Variants in AK9 observed in about 807,000 individuals in gnomAD.
The protein encoded by AK9 is adenylate kinase domain containing 1.
AK9 carries 191 observed loss-of-function variants against 239.6 expected under a neutral mutation model. The ratio of observed to expected loss-of-function variants is 0.80; its 90% confidence interval spans 0.71 to 0.90. AK9 has a LOEUF of 0.90. Among genes scored for constraint, AK9 ranks in the 40% least tolerant of loss-of-function variants. AK9 has a pLI of 0.00. For synonymous variants in AK9, 689 were observed against 721.0 expected, an observed-to-expected ratio of 0.96 and a Z score of 0.71; for missense variants, 1,995 against 2,214.7, an observed-to-expected ratio of 0.90 and a Z score of 1.99.
At chr6:109,506,909 C>T in intron 33 of AK9, 109 bp from the exon 34 acceptor site, 1 of 1,386,922 alleles carries the variant, frequency 7.2e-7, no homozygotes, top group South Asian at 1.7e-5. Context: ...CATGATTTTC[C>T]TTATGTAACT....
chr6:109,506,434 T>A lies in AK9; in HGVS notation c.4742A>T (p.Tyr1581Phe). ...QYYQEQHQNW[Y>F]VIDGFHSKWW... Reference sequence around the variant, plus strand: ...TTTGCTGTGAAATCCATCAATCACATACCAGTTCTGATGCTGTTCTTGATA... The same window carrying A: ...TTTGCTGTGAAATCCATCAATCACAAACCAGTTCTGATGCTGTTCTTGATA... The change falls in exon 35 of 41, where the codon TAT (tyrosine) becomes TTT (phenylalanine). Residue 1581 changes from tyrosine to phenylalanine, a missense_variant. Tyr to Phe is a conservative substitution (Grantham distance 22). This residue lies in a region of AK9 where 391 missense variants were observed against 456.0 expected (regional missense o/e 0.86). Transcript: ENST00000424296. The A allele has an allele frequency of 6.2e-7, 1 of 1,613,846 alleles. No individual in the cohort carries two copies. The highest frequency in any genetic ancestry group is 8.5e-7 in the Non-Finnish European group (1 of 1,179,920).
intron 17 of AK9, among the ~76,000 whole-genome samples, chr6:109,599,474 G>A (rs936729235): frequency 2.6e-5 from 4 of 152,212 alleles, no homozygotes; most frequent in Non-Finnish European, 5.9e-5. Flanking sequence ...TTTGGTTACT[G>A]TAGCCTTGTA....
chr6:109,577,030 C>T (rs536189631), intron 20 of AK9, among the ~76,000 whole-genome samples: 132 of 152,132 alleles, frequency 8.7e-4, no homozygotes, highest in African/African-American at 3.1e-3. Context: ...CGGGGTTTCA[C>T]CGTGTTAGCC....
rs370974107 is a variant in AK9, at chr6:109,583,204, A to G, written c.2114+1919T>C. ...TGGGGCTCTTTGTGACATCTTCCTT[A>G]TCCAAATCCTGGATCAAGTATGTTG... On this transcript the variant is annotated intron_variant, in intron 19 of 40. Coordinates refer to ENST00000424296, the MANE Select transcript of AK9 (RefSeq NM_001145128.3). Among the ~76,000 whole-genome samples the G allele has an allele frequency of 2.0e-5, 3 of 152,222 alleles. No homozygotes were observed. In the South Asian group the frequency reaches 6.2e-4, roughly 32 times the overall value.
Position 109,546,140 on chromosome 6 carries a change from GT to G in AK9, c.2965-14del. The G allele has an allele frequency of 6.5e-7, 1 of 1,528,956 alleles. No individual in the cohort carries two copies. The highest frequency in any genetic ancestry group is 8.9e-7 in the Non-Finnish European group (1 of 1,125,692). The allele number at this position is 1,528,956 out of a possible 1,614,324, so 94.7% of individuals were successfully genotyped here. A position where few individuals can be genotyped will look rare whatever the true frequency, so the allele number is the denominator to read the frequency against. On this transcript the variant is annotated splice_polypyrimidine_tract_variant and intron_variant, in intron 25 of 40. Coordinates refer to ENST00000424296, the MANE Select transcript of AK9 (RefSeq NM_001145128.3). Reference sequence around the variant, plus strand: ...TTAATGGAGGAGCCTGTCACAGGGGGTGGGTCAGGGAGGGGTGGGATAAAGG... The same window carrying G: ...TTAATGGAGGAGCCTGTCACAGGGGGGGGTCAGGGAGGGGTGGGATAAAGG...
At chr6:109,545,165 C>G (rs989026094) in intron 26 of AK9, among the ~76,000 whole-genome samples, 1 of 152,180 alleles carries the variant, frequency 6.6e-6, no homozygotes, top group Non-Finnish European at 1.5e-5. Context: ...TACTGCCAGG[C>G]ACAGTGGCTC....
chr6:109,570,486 G>A (rs192073163), intron 21 of AK9, among the ~76,000 whole-genome samples: 85 of 152,126 alleles, frequency 5.6e-4, no homozygotes, highest in African/African-American at 2.0e-3. Flanking sequence ...CTATTTGAGT[G>A]ATAGGTATGC....
At chr6:109,592,607 C>T (rs566556332) in intron 17 of AK9, among the ~76,000 whole-genome samples, 271 of 152,004 alleles carry the variant, frequency 1.8e-3, no homozygotes, top group African/African-American at 5.7e-3. Flanking sequence ...CCACCTCGCC[C>T]GGCTAATTTT....
intron 12 of AK9, among the ~76,000 whole-genome samples, chr6:109,627,133 C>CTTTTTTTT (rs71018357): frequency 4.5e-5 from 3 of 67,306 alleles, no homozygotes; most frequent in African/African-American, 6.1e-5. Context: ...GATGTTTAAG[C>CTTTTTTTT]TTTTTTTTTT....
intron 20 of AK9, among the ~76,000 whole-genome samples, chr6:109,576,461 G>A (rs922923227): frequency 1.4e-5 from 2 of 142,664 alleles, no homozygotes; most frequent in African/African-American, 5.1e-5. Flanking sequence ...AAGGGGTTGA[G>A]TTCTTGATTT....
rs1423806411 is a variant in AK9, at chr6:109,499,077, G to T, written c.5013C>A (p.His1671Gln). Residue 1671 changes from histidine to glutamine, a missense_variant, in exon 36 of 41, where the codon CAC becomes CAA. Physicochemically the swap from His to Gln is conservative, Grantham distance 24. Coordinates refer to ENST00000424296, the MANE Select transcript of AK9 (RefSeq NM_001145128.3). ...SLEFAAEFRG[H>Q]YYKMSSQEKL... is the part of the protein sequence containing the mutation. Reference sequence around the variant, plus strand: ...TTTCCTGAGAACTCATTTTATAGTAGTGCCCCCTGAACTCTGCTGCAAATT... The same window carrying T: ...TTTCCTGAGAACTCATTTTATAGTATTGCCCCCTGAACTCTGCTGCAAATT... The T allele has an allele frequency of 1.3e-6, 2 of 1,576,712 alleles. No individual in the cohort carries two copies. Among genetic ancestry groups the T allele is most frequent in the South Asian group, 2.4e-5 (2 of 84,424 alleles).
intron 19 of AK9, 150 bp from the exon 20 acceptor site, chr6:109,579,776 C>A: frequency 1.5e-6 from 1 of 684,928 alleles, no homozygotes; most frequent in South Asian, 3.1e-5. Context: ...CATGTTGAGA[C>A]TAGTTACTTT....
intron 21 of AK9, among the ~76,000 whole-genome samples, chr6:109,572,673 T>C (rs1424952121): frequency 1.3e-5 from 2 of 152,224 alleles, no homozygotes; most frequent in African/African-American, 4.8e-5. Context: ...TTAGTCTTGC[T>C]TCTTTTATAA....
At chr6:109,616,744 C>A (rs1469979965) in intron 13 of AK9, among the ~76,000 whole-genome samples, 2 of 151,966 alleles carry the variant, frequency 1.3e-5, no homozygotes, top group African/African-American at 4.8e-5. Context: ...AAATATTGAC[C>A]AGAACCCCTT....
intron 8 of AK9, among the ~76,000 whole-genome samples, chr6:109,655,900 C>G (rs907372865): frequency 6.6e-6 from 1 of 152,140 alleles, no homozygotes. Flanking sequence ...AGAAGTCATA[C>G]ATATGAAAGC....
intron 1 of AK9, among the ~76,000 whole-genome samples, chr6:109,678,373 A>C (rs944509832): frequency 3.9e-5 from 6 of 152,242 alleles, no homozygotes; most frequent in Non-Finnish European, 8.8e-5. Flanking sequence ...AAAATATAGA[A>C]ATAGAGAACA....
At chr6:109,567,458 A>T (rs539405928) in intron 21 of AK9, among the ~76,000 whole-genome samples, 1 of 152,276 alleles carries the variant, frequency 6.6e-6, no homozygotes, top group East Asian at 1.9e-4. Context: ...AACCAAAAAA[A>T]GTCTAGGACC....
chr6:109,608,829 C>T (rs1793237036), intron 17 of AK9, among the ~76,000 whole-genome samples: 2 of 152,072 alleles, frequency 1.3e-5, no homozygotes, highest in Non-Finnish European at 2.9e-5. Flanking sequence ...ATAAACAACA[C>T]ATGAATCAAA....
intron 7 of AK9, among the ~76,000 whole-genome samples, chr6:109,658,535 T>C (rs751762347): frequency 6.6e-6 from 1 of 152,226 alleles, no homozygotes; most frequent in Non-Finnish European, 1.5e-5. Flanking sequence ...GCACTTGAAA[T>C]GTGGCAAGTG....
Sources: gnomAD v4.1 joint callset for allele counts (sites outside exome capture counted in the v4.1 genomes callset) on GRCh38, gnomAD v4.1.1 for gene constraint, gnomAD v4.1.1 regional missense constraint, MANE v1.5 for transcripts, NCBI Gene and HGNC (gene_info 2026-07-23, HGNC 2026-07-21) for gene names.